The following QTRT2 variants were observed in gnomAD, a reference collection of about 807,000 sequenced individuals.
QTRT2 encodes queuine tRNA-ribosyltransferase domain containing 1.
A neutral mutation model predicts 44.8 loss-of-function variants in QTRT2; 32 were observed. That is an observed-to-expected ratio of 0.71 (90% confidence interval 0.54 to 0.96). The LOEUF (loss-of-function observed/expected upper bound fraction) is 0.96. Among genes scored for constraint, QTRT2 ranks in the 40% least tolerant of loss-of-function variants. The pLI is 0.00. For synonymous variants in QTRT2, 182 were observed against 187.4 expected (o/e 0.97, Z 0.24); for missense variants, 461 against 503.1 (o/e 0.92, Z 0.80).
Position 114,065,344 on chromosome 3 carries a change from T to C in QTRT2, c.87T>C (p.Asp29=). ...NLGKTGDHTM[D]IPGCLLYTKT... ...GCAAAACAGGGGACCACACCATGGA[T>C]ATTCCAGGCTGCCTTCTGTATACCA... The change falls in exon 3 of 10, where the codon GAT becomes GAC. Residue 29 remains aspartate (D), a synonymous_variant. Transcript: ENST00000281273. 6.2e-6 allele frequency: 10 copies of C among 1,614,088 alleles called. No homozygotes were observed. Among genetic ancestry groups the C allele is most frequent in the Non-Finnish European group, 7.6e-6 (9 of 1,179,986 alleles).
At chr3:114,084,589 C>T (rs888719076) in intron 9 of QTRT2, among the ~76,000 whole-genome samples, 1 of 152,100 alleles carries the variant, frequency 6.6e-6, no homozygotes, top group Non-Finnish European at 1.5e-5. Flanking sequence ...CCTGTTCCCC[C>T]CTCAAAAAAA....
At position 114,070,706 on chromosome 3, in the gene QTRT2, A is replaced by C; in HGVS notation, c.414A>C (p.Pro138=). 1 of 1,614,216 alleles carries C rather than the reference A, an allele frequency of 6.2e-7. No individual in the cohort carries two copies. The highest frequency in any genetic ancestry group is 8.5e-7 in the Non-Finnish European group (1 of 1,180,010). The part of the protein sequence containing the change: ...KFMAIQKALQ[P]DWFQCLSDGE... ...TGGCAATTCAGAAGGCCCTTCAGCC[A>C]GACTGGTTCCAGTGCCTCTCCGATG... The change falls in exon 6 of 10, where the codon CCA becomes CCC. Residue 138 remains proline (P), a synonymous_variant. Coordinates refer to ENST00000281273, the MANE Select transcript of QTRT2 (RefSeq NM_024638.4).
intron 8 of QTRT2, among the ~76,000 whole-genome samples, chr3:114,081,350 A>T (rs2077162915): frequency 6.6e-6 from 1 of 152,072 alleles, no homozygotes; most frequent in Non-Finnish European, 1.5e-5. Flanking sequence ...GTCAGGGCTT[A>T]AAAAAAATTC....
At position 114,086,760 on chromosome 3, in the gene QTRT2, A is replaced by C. The variant is rs968024832; in HGVS notation, c.*856A>C. On this transcript the variant is annotated 3_prime_UTR_variant, in exon 10 of 10. Coordinates refer to ENST00000281273, the MANE Select transcript of QTRT2 (RefSeq NM_024638.4). ...CCTAACGATTAGAGGGTTAGTCTCC[A>C]TCCTGCTCAGATATGACTCCTGGGC... 3.3e-5 allele frequency: 5 copies of C among 152,310 alleles called. No individual in the cohort carries two copies. The highest frequency in any genetic ancestry group is 1.2e-4 in the African/African-American group (5 of 41,468). The allele number at this position is 152,310 out of a possible 1,614,324, so 9.4% of individuals were successfully genotyped here. A position where few individuals can be genotyped will look rare whatever the true frequency, so the allele number is the denominator to read the frequency against.
At chr3:114,070,311 A>G (rs1048239397) in intron 5 of QTRT2, among the ~76,000 whole-genome samples, 5 of 152,214 alleles carry the variant, frequency 3.3e-5, no homozygotes, top group African/African-American at 1.2e-4. Context: ...GTCAAAAGGA[A>G]CAGTGTGATC....
Position 114,066,240 on chromosome 3 carries a change from T to G in QTRT2, c.213T>G (p.His71Gln). The change falls in exon 4 of 10, where the codon CAT (histidine) becomes CAG (glutamine). Residue 71 changes from histidine (H) to glutamine (Q), a missense_variant. Physicochemically the swap from His to Gln is conservative, Grantham distance 24 (BLOSUM62 0). Transcript: ENST00000281273. ...GTTTTGCTTACAGAGCAGAACATCA[T>G]GAAGTCTTGACAGAATATAAAGAAG... ...QLTLSSLAEHHEVLTEYKEGV... is the reference protein window; with the variant it reads ...QLTLSSLAEHQEVLTEYKEGV... 1 of 1,605,154 alleles carries G rather than the reference T, an allele frequency of 6.2e-7. No individual in the cohort carries two copies. Among genetic ancestry groups the G allele is most frequent in the South Asian group, 1.1e-5 (1 of 90,898 alleles).
chr3:114,087,903 G>A lies in QTRT2; in HGVS notation c.*1999G>A, dbSNP rs2077257903. ...CCACCAGGCCCCACCTCCAGTATTG[G>A]GGATTACATTTCAACTTGAGGTTTG... On this transcript the variant is annotated 3_prime_UTR_variant, in exon 10 of 10. Transcript: ENST00000281273. 1 of 152,150 alleles carries A rather than the reference G, an allele frequency of 6.6e-6. No individual in the cohort carries two copies. The highest frequency in any genetic ancestry group is 2.4e-5 in the African/African-American group (1 of 41,432). 9.4% of individuals were successfully genotyped at this position (152,150 alleles called of 1,614,324 possible). A position where few individuals can be genotyped will look rare whatever the true frequency, so the allele number is the denominator to read the frequency against.
At chr3:114,071,220 C>A (rs1311645039) in intron 6 of QTRT2, among the ~76,000 whole-genome samples, 1 of 152,152 alleles carries the variant, frequency 6.6e-6, no homozygotes, top group Non-Finnish European at 1.5e-5. Context: ...CATTTTATCT[C>A]CACAAACCTG....
chr3:114,077,025 T>C (rs1370816051), intron 7 of QTRT2, 83 bp downstream of exon 7: 2 of 1,254,538 alleles, frequency 1.6e-6, no homozygotes, highest in East Asian at 4.9e-5. Context: ...ATAGTGTCTG[T>C]GCATAGGCAT....
rs1029555500 is a variant in QTRT2 at position 114,088,131 on chromosome 3, C to G, written c.*2227C>G. On this transcript the variant is annotated 3_prime_UTR_variant, in exon 10 of 10. Transcript: ENST00000281273. ...TTGTTCAAATGTTCATATTTTTGTT[C>G]TATGCTAAATGCATCGTTAGGGGAG... 6.6e-6 allele frequency: 1 copy of G among 152,120 alleles called. No individual in the cohort carries two copies. Among genetic ancestry groups the G allele is most frequent in the African/African-American group, 2.4e-5 (1 of 41,430 alleles). The allele number at this position is 152,120 out of a possible 1,614,324, so 9.4% of individuals were successfully genotyped here.
At chr3:114,072,764 C>T (rs1346606174) in intron 6 of QTRT2, among the ~76,000 whole-genome samples, 2 of 152,254 alleles carry the variant, frequency 1.3e-5, no homozygotes, top group Non-Finnish European at 2.9e-5. Flanking sequence ...TTTCATCTGA[C>T]ATATTGTAAG....
chr3:114,076,073 G>C (rs981802184), intron 6 of QTRT2, among the ~76,000 whole-genome samples: 1 of 152,142 alleles, frequency 6.6e-6, no homozygotes, highest in Non-Finnish European at 1.5e-5. Context: ...AAGAGACTTG[G>C]AGGTAGTCTA....
At chr3:114,075,163 T>C (rs1409471676) in intron 6 of QTRT2, among the ~76,000 whole-genome samples, 1 of 152,244 alleles carries the variant, frequency 6.6e-6, no homozygotes, top group African/African-American at 2.4e-5. Flanking sequence ...TATCAGGTTA[T>C]GTACGTACCA....
rs1577538854 is a variant in QTRT2 at position 114,076,878 on chromosome 3, A to G, written c.682A>G (p.Thr228Ala). Residue 228 changes from threonine to alanine, a missense_variant, in exon 7 of 10, where the codon ACC becomes GCC. By Grantham distance (58) the Thr-to-Ala change is moderately conservative. Transcript: ENST00000281273. ...GGATGGTTTTCAAGGAAATCCAACA[A>G]CCCTGGAGGCTAGACTACGCTTGCT... ...LLDGFQGNPT[T>A]LEARLRLLSS... 1.2e-6 allele frequency: 2 copies of G among 1,614,072 alleles called. No homozygotes were observed. Among genetic ancestry groups the G allele is most frequent in the Admixed American group, 1.7e-5 (1 of 59,998 alleles).
In QTRT2 at chr3:114,080,030, G is replaced by T; in HGVS notation, c.871G>T (p.Asp291Tyr). 1 of 1,610,524 alleles carries T rather than the reference G, an allele frequency of 6.2e-7. No homozygotes were observed. The highest frequency in any genetic ancestry group is 1.1e-5 in the South Asian group (1 of 90,548). Residue 291 changes from aspartate to tyrosine, a missense_variant, in exon 8 of 10, where the codon GAT (aspartate) becomes TAT (tyrosine). By Grantham distance (160) the Asp-to-Tyr change is radical. Coordinates refer to ENST00000281273, the MANE Select transcript of QTRT2 (RefSeq NM_024638.4). ...ERGCALTFSF[D>Y]YQPNPEETLL... ...GGGATGTGCCCTGACTTTCAGTTTT[G>T]ATTACCAGCCGAATCCTGAAGAGAC...
At chr3:114,061,731 C>A (rs1346840470) in intron 2 of QTRT2, among the ~76,000 whole-genome samples, 1 of 152,086 alleles carries the variant, frequency 6.6e-6, no homozygotes. Flanking sequence ...GTGCATGCCA[C>A]CATTCCTGGC....
Position 114,080,023 on chromosome 3 carries a change from CAGTTTTGA to C in QTRT2, c.865_872del (p.Ser289LeufsTer6), listed in dbSNP as rs2077147250. ...CAGAGCGGGGATGTGCCCTGACTTT[CAGTTTTGA>C]TTACCAGCCGAATCCTGAAGAGACA... On this transcript the variant is annotated frameshift_variant, in exon 8 of 10. Coordinates refer to ENST00000281273, the MANE Select transcript of QTRT2 (RefSeq NM_024638.4). LOFTEE classifies it high-confidence loss of function. 29 of 1,611,598 alleles carry C rather than the reference CAGTTTTGA, an allele frequency of 1.8e-5. No homozygotes were observed. The highest frequency in any genetic ancestry group is 2.4e-5 in the Non-Finnish European group (28 of 1,178,938).
At chr3:114,074,076 C>A (rs2077058635) in intron 6 of QTRT2, among the ~76,000 whole-genome samples, 1 of 152,166 alleles carries the variant, frequency 6.6e-6, no homozygotes, top group Non-Finnish European at 1.5e-5. Context: ...AGAAGAGAGT[C>A]ATCTGTTAGT....
chr3:114,082,204 C>CCACA (rs71146306), intron 8 of QTRT2, among the ~76,000 whole-genome samples: 2,159 of 138,814 alleles, frequency 0.016, 27 homozygotes, highest in African/African-American at 0.024. Context: ...GATAACCCCA[C>CCACA]CACACACACA....
Sources: gnomAD v4.1 joint callset for allele counts (sites outside exome capture counted in the v4.1 genomes callset) on GRCh38, gnomAD v4.1.1 for gene constraint, MANE v1.5 for transcripts, NCBI Gene and HGNC (gene_info 2026-07-23, HGNC 2026-07-21) for gene names.